CCDC91: variants seen among roughly 807,000 people sequenced by gnomAD.
The protein encoded by CCDC91 is coiled-coil domain-containing protein 91.
Under a neutral mutation model 63.2 loss-of-function variants are expected in CCDC91, and 48 were observed. The ratio of observed to expected loss-of-function variants is 0.76; its 90% CI spans 0.60 to 0.97. The LOEUF is 0.97. CCDC91 is among the 50% of genes least tolerant of loss of function. The probability of loss-of-function intolerance (pLI) is 0.00; values close to 1 mark genes in which losing one functional copy is unlikely to be tolerated. For missense variants in CCDC91, 500 were observed against 494.6 expected (o/e 1.01, Z -0.10); for synonymous variants, 167 against 165.8 (o/e 1.01, Z -0.06).
intron 12 of CCDC91, among the ~76,000 whole-genome samples, chr12:28,515,975 T>C (rs924579146): frequency 3.9e-5 from 6 of 151,904 alleles, no homozygotes; most frequent in Middle Eastern, 3.2e-3. Context: ...TGAAAGGGGT[T>C]AGTTAGTATG....
chr12:28,235,024 G>A (rs1437952474), intron 1 of CCDC91, among the ~76,000 whole-genome samples: 1 of 152,106 alleles, frequency 6.6e-6, no homozygotes, highest in African/African-American at 2.4e-5. Context: ...GGTGTTTTCT[G>A]TCTTCATGTG....
intron 8 of CCDC91, among the ~76,000 whole-genome samples, chr12:28,434,625 G>C (rs539072582): frequency 8.0e-6 from 1 of 125,194 alleles, no homozygotes; most frequent in Non-Finnish European, 1.6e-5. Context: ...TTTTTGATTG[G>C]GGGGTGGGTA....
chr12:28,296,478 G>A (rs1037860390), intron 3 of CCDC91, among the ~76,000 whole-genome samples: 6 of 151,782 alleles, frequency 4.0e-5, no homozygotes, highest in Non-Finnish European at 5.9e-5. Context: ...TATCAATGAT[G>A]TAATCATTTT....
chr12:28,269,226 G>A (rs1157789748), intron 3 of CCDC91, among the ~76,000 whole-genome samples: 1 of 151,736 alleles, frequency 6.6e-6, no homozygotes, highest in Non-Finnish European at 1.5e-5. Flanking sequence ...CTTCTTAAAC[G>A]GTGTCTCTAA....
intron 8 of CCDC91, among the ~76,000 whole-genome samples, chr12:28,405,762 T>C (rs1396131145): frequency 6.6e-6 from 1 of 152,172 alleles, no homozygotes; most frequent in Non-Finnish European, 1.5e-5. Flanking sequence ...TCTTTGGTAG[T>C]GGTAGAAAAG....
intron 3 of CCDC91, among the ~76,000 whole-genome samples, chr12:28,300,666 T>C (rs1318333177): frequency 2.0e-5 from 3 of 151,564 alleles, no homozygotes; most frequent in Non-Finnish European, 3.0e-5. Context: ...AAAAAACTTA[T>C]TGGGATTGTA....
chr12:28,212,630 T>C (rs1302680947), intron 1 of CCDC91, among the ~76,000 whole-genome samples: 1 of 152,214 alleles, frequency 6.6e-6, no homozygotes. Flanking sequence ...TTTAGTTTTC[T>C]TTAACACAAG....
chr12:28,191,788 C>T (rs1941273592), intron 1 of CCDC91, among the ~76,000 whole-genome samples: 1 of 152,132 alleles, frequency 6.6e-6, no homozygotes, highest in Admixed American at 6.5e-5. Context: ...ACTGTCTGTA[C>T]CTATTAGGTA....
Position 28,436,584 on chromosome 12 carries a change from C to T in CCDC91, c.763-13577C>T, listed in dbSNP as rs1221764506. ...CTACACTTATTACTTCTCTAGTGCC[C>T]TCTTTTATGTGGATCTGTATAACTT... On this transcript the variant is annotated intron_variant, in intron 8 of 12. Coordinates refer to ENST00000536442, the MANE Select transcript of CCDC91 (RefSeq NM_018318.5). 2.6e-5 allele frequency among the ~76,000 whole-genome samples: 4 copies of T among 151,620 alleles called. No homozygotes were observed. In the East Asian group the frequency reaches 5.8e-4, roughly 22 times the overall value.
At chr12:28,356,619 T>C (rs1293537014) in intron 6 of CCDC91, among the ~76,000 whole-genome samples, 1 of 152,172 alleles carries the variant, frequency 6.6e-6, no homozygotes, top group Admixed American at 6.5e-5. Flanking sequence ...GGATGTAATC[T>C]TGTGGCTTCC....
At chr12:28,340,232 T>G (rs1174487876) in intron 6 of CCDC91, among the ~76,000 whole-genome samples, 1 of 152,198 alleles carries the variant, frequency 6.6e-6, no homozygotes, top group African/African-American at 2.4e-5. Flanking sequence ...TAAAAACAAA[T>G]TTAGTGAGAA....
At chr12:28,209,877 T>A (rs887062875) in intron 1 of CCDC91, among the ~76,000 whole-genome samples, 4 of 152,232 alleles carry the variant, frequency 2.6e-5, no homozygotes, top group African/African-American at 9.6e-5. Flanking sequence ...ATTCTCCTCA[T>A]ACTTTGCATG....
intron 12 of CCDC91, among the ~76,000 whole-genome samples, chr12:28,524,122 C>A (rs189115008): frequency 2.0e-5 from 3 of 152,214 alleles, no homozygotes; most frequent in East Asian, 1.9e-4. Context: ...AATTCTTTCT[C>A]TTTTCTGATT....
chr12:28,244,726 T>C (rs1401379960), intron 1 of CCDC91, among the ~76,000 whole-genome samples: 19 of 151,802 alleles, frequency 1.3e-4, no homozygotes, highest in Admixed American at 1.2e-3. Context: ...GATATCTCAG[T>C]GTGGGCCAGT....
rs1352398347 is a variant in CCDC91 at position 28,219,062 on chromosome 12, C to T, written c.-15+28421C>T. Among the ~76,000 whole-genome samples, 6 of 152,276 alleles carry T rather than the reference C, an allele frequency of 3.9e-5. No homozygotes were observed. The East Asian group carries it at 7.7e-4, about 20-fold the overall frequency. Reference sequence around the variant, plus strand: ...AAGTGGCTGTATCAGTTTACATTCTCACTAGGTTACATGAGAATTCTAGGT... The same window carrying T: ...AAGTGGCTGTATCAGTTTACATTCTTACTAGGTTACATGAGAATTCTAGGT... On this transcript the variant is annotated intron_variant, in intron 1 of 12. Coordinates refer to ENST00000536442, the MANE Select transcript of CCDC91 (RefSeq NM_018318.5).
Position 28,549,155 on chromosome 12 carries a change from A to G in CCDC91, c.1308A>G (p.Glu436=). Residue 436 remains glutamate, a synonymous_variant, in exon 13 of 13, where the codon GAA becomes GAG. Coordinates refer to ENST00000536442, the MANE Select transcript of CCDC91 (RefSeq NM_018318.5). ...QKQLSALIAT[E]PVDIE ...AGTTAAGTGCTTTAATAGCTACGGAACCAGTTGACATTGAATAAAAAGAAC... is the reference window on the plus strand; with the variant it reads ...AGTTAAGTGCTTTAATAGCTACGGAGCCAGTTGACATTGAATAAAAAGAAC... The G allele has an allele frequency of 6.2e-7, 1 of 1,605,668 alleles. No homozygotes were observed. The highest frequency in any genetic ancestry group is 8.5e-7 in the Non-Finnish European group (1 of 1,172,730).
intron 7 of CCDC91, among the ~76,000 whole-genome samples, chr12:28,382,254 T>C (rs972275872): frequency 6.6e-6 from 1 of 151,750 alleles, no homozygotes. Context: ...TGAATGGAAC[T>C]GAATTAATTG....
chr12:28,444,521 G>A lies in CCDC91; in HGVS notation c.763-5640G>A, dbSNP rs555469132. Among the ~76,000 whole-genome samples, 3 of 152,284 alleles carry A rather than the reference G, an allele frequency of 2.0e-5. No individual in the cohort carries two copies. In the East Asian group the frequency reaches 5.8e-4, roughly 29 times the overall value. ...AGCCATTAAAAAGACAAGATCACGT[G>A]TTTGTGGGAACATGGATGGAGCTGG... On this transcript the variant is annotated intron_variant, in intron 8 of 12. Transcript: ENST00000536442.
At chr12:28,347,464 G>T (rs1368275992) in intron 6 of CCDC91, among the ~76,000 whole-genome samples, 4 of 152,202 alleles carry the variant, frequency 2.6e-5, no homozygotes, top group Non-Finnish European at 5.9e-5. Flanking sequence ...CTGGATTGCA[G>T]GGAGCAGGTT....
Sources: gnomAD v4.1 joint callset for allele counts (sites outside exome capture counted in the v4.1 genomes callset) on GRCh38, gnomAD v4.1.1 for gene constraint, MANE v1.5 for transcripts, NCBI Gene and HGNC (gene_info 2026-07-23, HGNC 2026-07-21) for gene names.